Variants in NOC3L observed in about 807,000 individuals in gnomAD.
NOC3L encodes nucleolar complex protein 3 homolog.
In NOC3L, 85 loss-of-function variants were observed where a neutral mutation model predicts 102.5. The observed-to-expected ratio is 0.83, with a 90% CI of 0.70 to 0.99. The LOEUF is 0.99. Among genes scored for constraint, NOC3L ranks in the 50% least tolerant of loss-of-function variants. The pLI, the probability that NOC3L is intolerant of heterozygous loss-of-function variation, is 0.00. For synonymous variants in NOC3L, 303 were observed against 309.4 expected (o/e 0.98, Z 0.22); for missense variants, 878 against 914.9 (o/e 0.96, Z 0.52).
chr10:94,352,741 G>A (rs2054434841), intron 7 of NOC3L, among the ~76,000 whole-genome samples, 155 bp downstream of exon 7: 1 of 152,054 alleles, frequency 6.6e-6, no homozygotes, highest in African/African-American at 2.4e-5. Context: ...AGAATCACTT[G>A]AACCCGGAAG....
chr10:94,352,991 G>C lies in NOC3L; in HGVS notation c.763C>G (p.Arg255Gly). 6.2e-7 allele frequency: 1 copy of C among 1,613,624 alleles called. No individual in the cohort carries two copies. The highest frequency in any genetic ancestry group is 8.5e-7 in the Non-Finnish European group (1 of 1,179,666). Residue 255 changes from arginine (R) to glycine (G), a missense_variant, in exon 7 of 21, where the codon CGA (arginine) becomes GGA (glycine). Arg to Gly is a moderately radical substitution (Grantham distance 125). Transcript: ENST00000371361. ...EQDPDVAVTVRKLVIVSLMEL... is the reference protein window; with the variant it reads ...EQDPDVAVTVGKLVIVSLMEL... Reference sequence around the variant, plus strand: ...ATCAGAGAAACAATTACCAGCTTTCGAACAGTAACAGCCACATCAGGATCT... The same window carrying C: ...ATCAGAGAAACAATTACCAGCTTTCCAACAGTAACAGCCACATCAGGATCT...
At chr10:94,359,009 T>TA (rs59277569) in intron 2 of NOC3L, among the ~76,000 whole-genome samples, 7,773 of 144,728 alleles carry the variant, frequency 0.054, 628 homozygotes, top group African/African-American at 0.18. Flanking sequence ...TCTTTTTATT[T>TA]AAAAAAAAAA....
At chr10:94,323,821 A>G in the NOC3L span, among the ~76,000 whole-genome samples, 2,810 of 152,324 alleles carry the variant, frequency 0.018, 30 homozygotes, top group South Asian at 0.041. Context: ...GGCCCTCACT[A>G]AACATTTAAT....
In NOC3L at chr10:94,350,152, G is replaced by T; in HGVS notation, c.1089C>A (p.Ile363=). 2 of 1,614,116 alleles carry T rather than the reference G, an allele frequency of 1.2e-6. No individual in the cohort carries two copies. The highest frequency in any genetic ancestry group is 1.7e-6 in the Non-Finnish European group (2 of 1,180,002). The part of the protein sequence containing the change: ...LPHFNFHNNI[I]VLIVPLMNDM... ...CATTCATGAGAGGGACAATCAATACGATGATGTTGTTGTGAAAGTTAAAAT... is the reference window on the plus strand; with the variant it reads ...CATTCATGAGAGGGACAATCAATACTATGATGTTGTTGTGAAAGTTAAAAT... Residue 363 remains isoleucine (I), a synonymous_variant, in exon 9 of 21, where the codon ATC becomes ATA. Transcript: ENST00000371361.
chr10:94,321,141 T>C, the NOC3L span, among the ~76,000 whole-genome samples: 1 of 152,362 alleles, frequency 6.6e-6, no homozygotes, highest in South Asian at 2.1e-4. Context: ...GCCTTGTCAC[T>C]GCAGTTTTGT....
chr10:94,341,362 CTATAT>C (rs1589566996), intron 14 of NOC3L, among the ~76,000 whole-genome samples: 1 of 150,520 alleles, frequency 6.6e-6, no homozygotes. Flanking sequence ...TATTTACAAA[CTATAT>C]TATATGAATA....
intron 11 of NOC3L, among the ~76,000 whole-genome samples, chr10:94,345,183 GTTTC>G (rs1251481440): frequency 6.6e-6 from 1 of 151,816 alleles, no homozygotes; most frequent in East Asian, 1.9e-4. Context: ...CTCACCTATG[GTTTC>G]TTTCTTTTCC....
the NOC3L span, chr10:94,327,943 T>G: frequency 1.9e-6 from 1 of 529,382 alleles, no homozygotes; most frequent in Non-Finnish European, 3.9e-6. Context: ...AGTATACTAA[T>G]AAGCCTCTGT....
At chr10:94,362,702 A>G in intron 1 of NOC3L, 128 bp downstream of exon 1, 2 of 963,736 alleles carry the variant, frequency 2.1e-6, no homozygotes, top group Non-Finnish European at 3.3e-6. Context: ...TAAGGAATGG[A>G]AAGCCCCCAG....
chr10:94,358,054 G>T, intron 3 of NOC3L, 29 bp downstream of exon 3: 1 of 1,441,334 alleles, frequency 6.9e-7, no homozygotes, highest in Non-Finnish European at 9.8e-7. Context: ...AAATGGATAT[G>T]AATGATTATA....
At chr10:94,321,599 GC>G in the NOC3L span, among the ~76,000 whole-genome samples, 1 of 147,262 alleles carries the variant, frequency 6.8e-6, no homozygotes, top group Non-Finnish European at 1.5e-5. Context: ...CTGCACTCCA[GC>G]CTGGGCAACA....
In NOC3L at chr10:94,362,891, C is replaced by G; in HGVS notation, c.-53G>C. The G allele has an allele frequency of 1.2e-6, 2 of 1,613,870 alleles. No individual in the cohort carries two copies. Among genetic ancestry groups the G allele is most frequent in the South Asian group, 1.1e-5 (1 of 91,082 alleles). On this transcript the variant is annotated 5_prime_UTR_variant, in exon 1 of 21. Transcript: ENST00000371361. ...GACAAGTTCACCAGAAGCAGGGTTACTACAGAAATCCCGGGGAATGACACA... is the reference window on the plus strand; with the variant it reads ...GACAAGTTCACCAGAAGCAGGGTTAGTACAGAAATCCCGGGGAATGACACA...
chr10:94,338,761 A>C (rs1334203003), intron 17 of NOC3L, 25 bp from the exon 18 acceptor site: 1 of 1,601,570 alleles, frequency 6.2e-7, no homozygotes, highest in Admixed American at 1.7e-5. Flanking sequence ...CATAAAAAGA[A>C]TTGGTTAAAT....
downstream of NOC3L, chr10:94,332,505 C>CTGTGTGTGTGTGTGTGTGTGTGTGTG (rs10537252): frequency 1.4e-5 from 2 of 145,694 alleles, no homozygotes. Flanking sequence ...ATGTGTGTGC[C>CTGTGTGTGTGTGTGTGTGTGTGTGTG]TGTGTGTGTG....
Position 94,362,894 on chromosome 10 carries a change from C to T in NOC3L, c.-56G>A. 2.5e-6 allele frequency: 4 copies of T among 1,613,840 alleles called. No individual in the cohort carries two copies. Among genetic ancestry groups the T allele is most frequent in the South Asian group, 2.2e-5 (2 of 91,082 alleles). ...AAGTTCACCAGAAGCAGGGTTACTA[C>T]AGAAATCCCGGGGAATGACACACGT... is the stretch of plus-strand genomic sequence containing the variant. On this transcript the variant is annotated 5_prime_UTR_variant, in exon 1 of 21. Coordinates refer to ENST00000371361, the MANE Select transcript of NOC3L (RefSeq NM_022451.11).
chr10:94,332,368 T>C (rs2054169876), downstream of NOC3L: 1 of 152,136 alleles, frequency 6.6e-6, no homozygotes, highest in Admixed American at 6.5e-5. Context: ...AAGACTGAGG[T>C]TGTCTTACAC....
At chr10:94,339,609 C>A in intron 17 of NOC3L, 130 bp downstream of exon 17, 1 of 764,116 alleles carries the variant, frequency 1.3e-6, no homozygotes, top group Non-Finnish European at 2.0e-6. Flanking sequence ...CTTTTGTCAC[C>A]TGATTTTGTT....
rs7902189 is a variant in NOC3L at position 94,356,431 on chromosome 10, T to C, written c.565+104A>G. 9.9e-3 allele frequency: 7,298 copies of C among 734,126 alleles called. 317 individuals are homozygous for C. In the African/African-American group the frequency reaches 0.099, roughly 10 times the overall value. The allele number at this position is 734,126 out of a possible 1,614,324, so 45.5% of individuals were successfully genotyped here. A position where few individuals can be genotyped will look rare whatever the true frequency, so the allele number is the denominator to read the frequency against. The stretch of plus-strand genomic sequence containing the variant: ...TTCAAAGTGACCTTGAAATGAGCAG[T>C]ACTCCAAAATGTACCTTCCAGATTT... On this transcript the variant is annotated intron_variant, in intron 5 of 20. Transcript: ENST00000371361.
chr10:94,357,033 C>T (rs1289131565), intron 4 of NOC3L, 141 bp downstream of exon 4: 2 of 578,966 alleles, frequency 3.5e-6, no homozygotes, highest in Non-Finnish European at 5.6e-6. Flanking sequence ...TGGCCCAAAT[C>T]ATCAAGCTTG....
Sources: allele counts gnomAD v4.1 joint callset (sites outside exome capture counted in the v4.1 genomes callset), GRCh38; gene constraint gnomAD v4.1.1; transcripts MANE v1.5; gene names NCBI Gene and HGNC (gene_info 2026-07-23, HGNC 2026-07-21).